RAMP3: variants seen among roughly 807,000 people sequenced by gnomAD.
RAMP3 encodes the protein receptor activity-modifying protein 3.
In RAMP3, 14 loss-of-function variants were observed where a neutral mutation model predicts 13.5. The observed-to-expected ratio is 1.04, with a 90% CI of 0.69 to 1.63. The LOEUF is 1.63. Among genes scored for constraint, RAMP3 ranks in the 40% most tolerant of loss-of-function variants. RAMP3 has a pLI of 0.00. For missense variants in RAMP3, 200 were observed against 204.8 expected (o/e 0.98, Z 0.14); for synonymous variants, 106 against 88.3 (o/e 1.20, Z -1.12).
rs1189040625 is a variant in RAMP3, at chr7:45,183,395, A to G, written c.430A>G (p.Thr144Ala). The G allele has an allele frequency of 1.2e-6, 2 of 1,612,794 alleles. No individual in the cohort carries two copies. Among genetic ancestry groups the G allele is most frequent in the South Asian group, 1.1e-5 (1 of 91,082 alleles). ...AGLVVWRSKR[T>A]DTLL is the part of the protein sequence containing the mutation. ...CCTGGTGGTGTGGCGCAGCAAACGC[A>G]CCGACACGCTGCTGTGAGGGTCCCG... The change falls in exon 3 of 3, where the codon ACC becomes GCC. Residue 144 changes from threonine to alanine, a missense_variant. By Grantham distance (58) the Thr-to-Ala change is moderately conservative. Transcript: ENST00000242249.
intron 1 of RAMP3, among the ~76,000 whole-genome samples, chr7:45,161,540 C>CT (rs3839754): frequency 0.3 from 45,112 of 151,382 alleles, 8,810 homozygotes; most frequent in African/African-American, 0.56. Context: ...CAAATACCTC[C>CT]AGGAAAGGGC....
rs1584060315 is a variant in RAMP3 at position 45,157,809 on chromosome 7, C to T, written c.-20C>T. 1 of 1,442,044 alleles carries T rather than the reference C, an allele frequency of 6.9e-7. No individual in the cohort carries two copies. The highest frequency in any genetic ancestry group is 9.0e-7 in the Non-Finnish European group (1 of 1,106,892). The allele number at this position is 1,442,044 out of a possible 1,614,324, so 89.3% of individuals were successfully genotyped here. A position where few individuals can be genotyped will look rare whatever the true frequency, so the allele number is the denominator to read the frequency against. On this transcript the variant is annotated 5_prime_UTR_variant, in exon 1 of 3. Coordinates refer to ENST00000242249, the MANE Select transcript of RAMP3 (RefSeq NM_005856.3). ...CGCCCCCAGCGGGACCGAGCGTGACCCAGCTGCGGCCGGCCAGCCATGGAG... is the reference window on the plus strand; with the variant it reads ...CGCCCCCAGCGGGACCGAGCGTGACTCAGCTGCGGCCGGCCAGCCATGGAG...
At chr7:45,179,836 G>A (rs1046818650) in intron 2 of RAMP3, among the ~76,000 whole-genome samples, 1 of 152,170 alleles carries the variant, frequency 6.6e-6, no homozygotes, top group Non-Finnish European at 1.5e-5. Context: ...TGGAATATCA[G>A]AGCTGTGGAA....
chr7:45,183,721 G>A lies in RAMP3; in HGVS notation c.*309G>A. The A allele has an allele frequency of 5.2e-6, 3 of 575,090 alleles. No individual in the cohort carries two copies. Among genetic ancestry groups the A allele is most frequent in the Non-Finnish European group, 6.2e-6 (2 of 322,916 alleles). The allele number at this position is 575,090 out of a possible 1,614,324, so 35.6% of individuals were successfully genotyped here. A position where few individuals can be genotyped will look rare whatever the true frequency, so the allele number is the denominator to read the frequency against. On this transcript the variant is annotated 3_prime_UTR_variant, in exon 3 of 3. Transcript: ENST00000242249. ...ATCCTGTGCTCCGCAGGCTGGGCCG[G>A]AGCCTCTGCCCGCAGGTTTCTATGC...
rs111343347 is a variant in RAMP3 at position 45,175,393 on chromosome 7, A to G, written c.59-1916A>G. 1.6e-3 allele frequency among the ~76,000 whole-genome samples: 248 copies of G among 152,298 alleles called. 2 individuals are homozygous for G. Among genetic ancestry groups the G allele is most frequent in the African/African-American group, 5.8e-3 (242 of 41,552 alleles). On this transcript the variant is annotated intron_variant, in intron 1 of 2. Transcript: ENST00000242249. ...ATCTCCAGGGTTCTCTGGGGCCTCA[A>G]GATGCCCTGGGTCCTGGGGAAGCTT... is the stretch of plus-strand genomic sequence containing the variant.
At chr7:45,179,610 G>A (rs1490968227) in intron 2 of RAMP3, among the ~76,000 whole-genome samples, 1 of 152,260 alleles carries the variant, frequency 6.6e-6, no homozygotes, top group Non-Finnish European at 1.5e-5. Context: ...GGGAGATGTT[G>A]AGGAAATCTC....
At chr7:45,172,349 A>C (rs1272202923) in intron 1 of RAMP3, among the ~76,000 whole-genome samples, 1 of 152,188 alleles carries the variant, frequency 6.6e-6, no homozygotes, top group Non-Finnish European at 1.5e-5. Context: ...TGTGGCTCAA[A>C]TGTCACAGAT....
At chr7:45,174,352 A>G (rs1019524606) in intron 1 of RAMP3, among the ~76,000 whole-genome samples, 6 of 152,186 alleles carry the variant, frequency 3.9e-5, no homozygotes, top group Non-Finnish European at 8.8e-5. Flanking sequence ...CCTGACTCCC[A>G]TGGCCTCAGC....
At chr7:45,171,258 C>T (rs1039290897) in intron 1 of RAMP3, among the ~76,000 whole-genome samples, 7 of 151,744 alleles carry the variant, frequency 4.6e-5, no homozygotes, top group African/African-American at 7.3e-5. Context: ...TGGGTTCAAG[C>T]GATTCTCCTG....
chr7:45,165,332 C>T (rs995749519), intron 1 of RAMP3, among the ~76,000 whole-genome samples: 1 of 152,072 alleles, frequency 6.6e-6, no homozygotes, highest in Non-Finnish European at 1.5e-5. Flanking sequence ...TTATTTTTTA[C>T]AGAATTTAGA....
At chr7:45,180,571 C>T (rs901994787) in intron 2 of RAMP3, among the ~76,000 whole-genome samples, 1 of 152,226 alleles carries the variant, frequency 6.6e-6, no homozygotes, top group Non-Finnish European at 1.5e-5. Context: ...GCAACCAGAG[C>T]GTGTCCTCTC....
intron 2 of RAMP3, among the ~76,000 whole-genome samples, chr7:45,180,768 C>T (rs886504512): frequency 1.1e-4 from 16 of 152,216 alleles, no homozygotes; most frequent in Non-Finnish European, 2.2e-4. Context: ...GGGGTTTGCC[C>T]GGCTTCCAGC....
At chr7:45,160,555 C>G (rs2128654784) in intron 1 of RAMP3, among the ~76,000 whole-genome samples, 1 of 151,976 alleles carries the variant, frequency 6.6e-6, no homozygotes, top group East Asian at 1.9e-4. Context: ...CCACAGCCTC[C>G]CAAGGTCGAC....
intron 1 of RAMP3, among the ~76,000 whole-genome samples, chr7:45,162,497 T>A (rs1052048687): frequency 9.9e-5 from 15 of 152,136 alleles, no homozygotes; most frequent in African/African-American, 3.4e-4. Context: ...GAGGCAATGG[T>A]GACATGCCAC....
intron 1 of RAMP3, among the ~76,000 whole-genome samples, chr7:45,175,166 A>G (rs555779751): frequency 6.6e-6 from 1 of 152,330 alleles, no homozygotes; most frequent in African/African-American, 2.4e-5. Context: ...TGATGAGACA[A>G]GCGAACGTGG....
At chr7:45,165,397 C>A (rs180918047) in intron 1 of RAMP3, among the ~76,000 whole-genome samples, 84 of 152,256 alleles carry the variant, frequency 5.5e-4, no homozygotes, top group African/African-American at 1.8e-3. Flanking sequence ...TGATCTCCTC[C>A]ATTCCTTTGC....
intron 1 of RAMP3, among the ~76,000 whole-genome samples, chr7:45,159,360 A>G (rs760136861): frequency 6.6e-6 from 1 of 152,208 alleles, no homozygotes; most frequent in Non-Finnish European, 1.5e-5. Context: ...TGGAACCCAC[A>G]TCTGCCCTGG....
chr7:45,171,348 G>A (rs1562953848), intron 1 of RAMP3, among the ~76,000 whole-genome samples: 1 of 151,986 alleles, frequency 6.6e-6, no homozygotes, highest in South Asian at 2.1e-4. Flanking sequence ...TAGAGATGGG[G>A]TTTTGCCATG....
chr7:45,177,538 G>T (rs1415113218), intron 2 of RAMP3, 97 bp downstream of exon 2: 1 of 1,554,168 alleles, frequency 6.4e-7, no homozygotes, highest in South Asian at 1.2e-5. Context: ...TCTACCCAAG[G>T]CCTCACCCAT....
Sources: allele counts gnomAD v4.1 joint callset (sites outside exome capture counted in the v4.1 genomes callset), GRCh38; gene constraint gnomAD v4.1.1; transcripts MANE v1.5; gene names NCBI Gene and HGNC (gene_info 2026-07-23, HGNC 2026-07-21).